TMEM135: variants seen among roughly 807,000 people sequenced by gnomAD.
TMEM135 encodes transmembrane protein 135.
In TMEM135, 30 loss-of-function variants were observed where a neutral mutation model predicts 60.3. The observed-to-expected ratio is 0.50, with a 90% CI of 0.37 to 0.68. The LOEUF (loss-of-function observed/expected upper bound fraction) is 0.68. Ranked by LOEUF, TMEM135 falls within the 30% of genes least tolerant of loss-of-function variation. The pLI is 0.00. For synonymous variants in TMEM135, 190 were observed against 186.7 expected (o/e 1.02, Z -0.14); for missense variants, 468 against 548.8 (o/e 0.85, Z 1.47).
At chr11:87,287,753 T>C (rs1006601903) in intron 6 of TMEM135, among the ~76,000 whole-genome samples, 2 of 152,194 alleles carry the variant, frequency 1.3e-5, no homozygotes, top group Admixed American at 1.3e-4. Context: ...ATTATCCATG[T>C]TCATTGGGAT....
At chr11:87,307,008 C>T (rs140894356) in intron 9 of TMEM135, among the ~76,000 whole-genome samples, 61 of 152,186 alleles carry the variant, frequency 4.0e-4, no homozygotes, top group Non-Finnish European at 6.5e-4. Flanking sequence ...TGTGAACCAC[C>T]GCGCCCGGCC....
chr11:87,094,554 G>A (rs1203178650), intron 4 of TMEM135, among the ~76,000 whole-genome samples: 1 of 152,052 alleles, frequency 6.6e-6, no homozygotes, highest in African/African-American at 2.4e-5. Context: ...AGAAATTACA[G>A]TATAGGCTAG....
At chr11:87,314,603 T>C in intron 12 of TMEM135, 56 bp downstream of exon 12, 1 of 1,431,262 alleles carries the variant, frequency 7.0e-7, no homozygotes, top group Non-Finnish European at 9.8e-7. Context: ...TTTTAGCTGC[T>C]GACTGTTTTA....
At chr11:87,297,629 A>T (rs1591177910) in intron 7 of TMEM135, among the ~76,000 whole-genome samples, 1 of 152,240 alleles carries the variant, frequency 6.6e-6, no homozygotes, top group East Asian at 1.9e-4. Flanking sequence ...AATGTGTCAG[A>T]TGGTTTTGTG....
chr11:87,061,186 A>G (rs1274968256), intron 1 of TMEM135, among the ~76,000 whole-genome samples: 1 of 152,216 alleles, frequency 6.6e-6, no homozygotes, highest in Admixed American at 6.5e-5. Context: ...GAACTAACAT[A>G]TTCAAAATAT....
At chr11:87,258,761 TA>T (rs56351840) in intron 6 of TMEM135, 13,146 of 441,834 alleles carry the variant, frequency 0.03, 245 homozygotes, top group Non-Finnish European at 0.037. Flanking sequence ...GTGCCAAAGT[TA>T]AAAAAAAATC....
intron 4 of TMEM135, among the ~76,000 whole-genome samples, chr11:87,142,252 G>A (rs1938282141): frequency 1.3e-5 from 2 of 152,084 alleles, no homozygotes; most frequent in African/African-American, 4.8e-5. Context: ...AGTTGCCTAG[G>A]GGTGCAGCTG....
intron 4 of TMEM135, among the ~76,000 whole-genome samples, chr11:87,151,647 T>A (rs1157105863): frequency 3.9e-5 from 6 of 152,198 alleles, no homozygotes; most frequent in Non-Finnish European, 8.8e-5. Context: ...ATCTACCTAT[T>A]TCAATATGTA....
At chr11:87,169,220 A>C (rs893435285) in intron 5 of TMEM135, among the ~76,000 whole-genome samples, 6 of 148,706 alleles carry the variant, frequency 4.0e-5, no homozygotes, top group African/African-American at 1.5e-4. Flanking sequence ...GGGACTCCTG[A>C]ACACAGCACA....
chr11:87,265,068 C>T (rs1373585714), intron 6 of TMEM135, among the ~76,000 whole-genome samples: 1 of 151,926 alleles, frequency 6.6e-6, no homozygotes, highest in Non-Finnish European at 1.5e-5. Context: ...TTACTCACAG[C>T]TGTTGTCATA....
chr11:87,202,761 G>A (rs893180819), intron 5 of TMEM135, among the ~76,000 whole-genome samples: 6 of 149,206 alleles, frequency 4.0e-5, no homozygotes, highest in African/African-American at 9.8e-5. Flanking sequence ...GACCGGGCAC[G>A]GTGGCTCAAG....
intron 5 of TMEM135, among the ~76,000 whole-genome samples, chr11:87,215,503 T>G (rs932874961): frequency 2.6e-5 from 4 of 152,216 alleles, no homozygotes; most frequent in African/African-American, 9.6e-5. Flanking sequence ...CATCGGCTTC[T>G]CTGTCATTGT....
chr11:87,157,317 CTG>C, intron 4 of TMEM135, 22 bp from the exon 5 acceptor site: 3 of 1,552,678 alleles, frequency 1.9e-6, no homozygotes, highest in African/African-American at 1.5e-5. Context: ...TATATTTTTG[CTG>C]TTTTTTTTTT....
intron 6 of TMEM135, among the ~76,000 whole-genome samples, chr11:87,283,677 G>A (rs1228574531): frequency 6.6e-6 from 1 of 152,140 alleles, no homozygotes; most frequent in Non-Finnish European, 1.5e-5. Context: ...GGCCAAGATG[G>A]TGAAACCCTG....
At chr11:87,279,065 A>G (rs555450123) in intron 6 of TMEM135, among the ~76,000 whole-genome samples, 12 of 151,990 alleles carry the variant, frequency 7.9e-5, no homozygotes, top group Non-Finnish European at 1.6e-4. Context: ...GTATTTTATT[A>G]TATGGATATG....
At chr11:87,165,906 A>G (rs1286697376) in intron 5 of TMEM135, among the ~76,000 whole-genome samples, 2 of 150,748 alleles carry the variant, frequency 1.3e-5, no homozygotes, top group African/African-American at 4.9e-5. Flanking sequence ...GATAAAGGGG[A>G]TATCACCACC....
At chr11:87,168,796 A>G (rs550056876) in intron 5 of TMEM135, among the ~76,000 whole-genome samples, 2 of 152,236 alleles carry the variant, frequency 1.3e-5, no homozygotes, top group African/African-American at 4.8e-5. Context: ...TTTGGGTTGG[A>G]GATTTCTGTA....
In TMEM135 at chr11:87,322,830, A is replaced by G; in HGVS notation, c.*1497A>G. 2.2e-6 allele frequency: 1 copy of G among 454,448 alleles called. No individual in the cohort carries two copies. Among genetic ancestry groups the G allele is most frequent in the Non-Finnish European group, 4.4e-6 (1 of 226,714 alleles). 28.2% of individuals were successfully genotyped at this position (454,448 alleles called of 1,614,324 possible). On this transcript the variant is annotated 3_prime_UTR_variant, in exon 15 of 15. Transcript: ENST00000305494. ...ACTATGGTAACAGAGCCACTTTATC[A>G]TTTGGTCAAAATTTGGCATTATGAT...
chr11:87,319,360 A>T lies in TMEM135; in HGVS notation c.1227A>T (p.Leu409Phe). The change falls in exon 14 of 15, where the codon TTA (leucine) becomes TTT (phenylalanine). Residue 409 changes from leucine (L) to phenylalanine (F), a missense_variant. Leu to Phe is a conservative substitution (Grantham distance 22). Transcript: ENST00000305494. ...TLRPSYWKFL[L>F]RLTKGKFAVM... ...GACCATCTTACTGGAAGTTCCTTTT[A>T]AGACTCACCAAGGGCAAGTAAGTGA... 1 of 1,612,912 alleles carries T rather than the reference A, an allele frequency of 6.2e-7. No individual in the cohort carries two copies. The highest frequency in any genetic ancestry group is 8.5e-7 in the Non-Finnish European group (1 of 1,179,042).
Sources: gnomAD v4.1 joint callset for allele counts (sites outside exome capture counted in the v4.1 genomes callset) on GRCh38, gnomAD v4.1.1 for gene constraint, MANE v1.5 for transcripts, NCBI Gene and HGNC (gene_info 2026-07-23, HGNC 2026-07-21) for gene names.